Variants in DNAH6 observed in about 807,000 individuals in gnomAD.
DNAH6 encodes the protein axonemal beta dynein heavy chain 6.
A neutral mutation model predicts 491.4 loss-of-function variants in DNAH6; 340 were observed. The ratio of observed to expected loss-of-function variants is 0.69; its 90% CI spans 0.63 to 0.76. DNAH6 has a LOEUF of 0.76. Among genes scored for constraint, DNAH6 ranks in the 30% least tolerant of loss-of-function variants. The pLI is 0.00. For missense variants in DNAH6, 4,443 were observed against 4,972.2 expected, an observed-to-expected ratio of 0.89 and a Z score of 3.20; for synonymous variants, 1,603 against 1,686.1, an observed-to-expected ratio of 0.95 and a Z score of 1.21.
At chr2:84,661,268 C>T (rs1440345155) in intron 37 of DNAH6, among the ~76,000 whole-genome samples, 1 of 151,952 alleles carries the variant, frequency 6.6e-6, no homozygotes, top group Non-Finnish European at 1.5e-5. Context: ...GGTCACAACC[C>T]AGTTTTTAAA....
At chr2:84,610,518 T>G (rs1265549057) in intron 21 of DNAH6, among the ~76,000 whole-genome samples, 1 of 152,154 alleles carries the variant, frequency 6.6e-6, no homozygotes, top group Non-Finnish European at 1.5e-5. Context: ...CCTTGGAATC[T>G]TTCCTTGTGG....
chr2:84,496,550 C>A, the DNAH6 span, among the ~76,000 whole-genome samples: 1 of 152,068 alleles, frequency 6.6e-6, no homozygotes, highest in Non-Finnish European at 1.5e-5. Context: ...TGTGAATCAC[C>A]TATAAGAATT....
At chr2:84,657,545 T>C (rs776230268) in intron 35 of DNAH6, among the ~76,000 whole-genome samples, 1 of 152,046 alleles carries the variant, frequency 6.6e-6, no homozygotes, top group Non-Finnish European at 1.5e-5. Flanking sequence ...CTAGTACATA[T>C]TTATAGTTAA....
rs1374971970 is a variant in DNAH6, at chr2:84,529,185, T to C, written c.662+19T>C. On this transcript the variant is annotated intron_variant, in intron 4 of 76. Transcript: ENST00000389394. ...ATCTAAAGTGAGTTATTTTTTATGA[T>C]GCAATTTAACATAAAAATTACAAAT... 1.3e-6 allele frequency: 2 copies of C among 1,495,286 alleles called. No homozygotes were observed. Among genetic ancestry groups the C allele is most frequent in the African/African-American group, 2.8e-5 (2 of 71,316 alleles). 92.6% of individuals were successfully genotyped at this position (1,495,286 alleles called of 1,614,324 possible). A position where few individuals can be genotyped will look rare whatever the true frequency, so the allele number is the denominator to read the frequency against.
chr2:84,818,973 T>C lies in DNAH6; in HGVS notation c.12374-332T>C, dbSNP rs143934717. Among the ~76,000 whole-genome samples, 201 of 152,184 alleles carry C rather than the reference T, an allele frequency of 1.3e-3. No individual in the cohort carries two copies. The East Asian group carries it at 0.029, about 22-fold the overall frequency. ...CTATAGTCCCAGCTACTCAAGAGGCTGAGGTAGGAGAATCACTTGAACCCA... is the reference window on the plus strand; with the variant it reads ...CTATAGTCCCAGCTACTCAAGAGGCCGAGGTAGGAGAATCACTTGAACCCA... On this transcript the variant is annotated intron_variant, in intron 76 of 76. Coordinates refer to ENST00000389394, the MANE Select transcript of DNAH6 (RefSeq NM_001370.2).
the DNAH6 span, among the ~76,000 whole-genome samples, chr2:84,507,025 C>G: frequency 6.6e-6 from 1 of 152,180 alleles, no homozygotes. Context: ...TGTTCTTTGG[C>G]TTAGGGTTGA....
Position 84,697,591 on chromosome 2 carries a change from TC to T in DNAH6, c.7543del (p.Leu2515Ter). ...CTTCTACAGATTGTAGTGGAGGAGTTCCTAGAAGATATAAATAACATCCTGA... is the reference window on the plus strand; with the variant it reads ...CTTCTACAGATTGTAGTGGAGGAGTTCTAGAAGATATAAATAACATCCTGA... ...FTDTQIVVEE[F>X]LEDINNILNS... On this transcript the variant is annotated frameshift_variant, in exon 47 of 77. Coordinates refer to ENST00000389394, the MANE Select transcript of DNAH6 (RefSeq NM_001370.2). LOFTEE classifies it high-confidence loss of function. The T allele has an allele frequency of 6.4e-7, 1 of 1,551,898 alleles. No homozygotes were observed.
chr2:84,573,735 G>T, intron 12 of DNAH6, 148 bp downstream of exon 12: 6 of 613,582 alleles, frequency 9.8e-6, no homozygotes, highest in South Asian at 3.1e-5. Context: ...TTCATTTCTA[G>T]GTTATTTTCT....
At chr2:84,660,064 A>T (rs555999049) in intron 37 of DNAH6, among the ~76,000 whole-genome samples, 36 of 152,290 alleles carry the variant, frequency 2.4e-4, no homozygotes, top group African/African-American at 8.7e-4. Flanking sequence ...AAAGAACTAG[A>T]CACAAAGACA....
chr2:84,713,384 C>T, intron 57 of DNAH6, 125 bp downstream of exon 57: 1 of 870,842 alleles, frequency 1.1e-6, no homozygotes, highest in South Asian at 1.9e-5. Flanking sequence ...CTCCTATACA[C>T]TCCCCTTTCT....
intron 35 of DNAH6, among the ~76,000 whole-genome samples, chr2:84,657,456 G>T (rs1450519313): frequency 1.3e-5 from 2 of 151,960 alleles, no homozygotes; most frequent in Non-Finnish European, 2.9e-5. Context: ...TCCTATCCAT[G>T]AATGTGGTAT....
chr2:84,671,411 CCA>C lies in DNAH6; in HGVS notation c.6455-913_6455-912del, dbSNP rs1256996477. ...GCAGCTGGGGCCCCACTTGCTCAGTCCACAGTCTCTGGGGTGGTGCACCAGCC... is the reference window on the plus strand; with the variant it reads ...GCAGCTGGGGCCCCACTTGCTCAGTCCAGTCTCTGGGGTGGTGCACCAGCC... On this transcript the variant is annotated intron_variant, in intron 39 of 76. Coordinates refer to ENST00000389394, the MANE Select transcript of DNAH6 (RefSeq NM_001370.2). Among the ~76,000 whole-genome samples, 4 of 152,296 alleles carry C rather than the reference CCA, an allele frequency of 2.6e-5. No individual in the cohort carries two copies. The South Asian group carries it at 6.2e-4, about 24-fold the overall frequency.
intron 71 of DNAH6, 26 bp downstream of exon 71, chr2:84,805,820 A>G (rs1344446545): frequency 1.3e-6 from 2 of 1,537,136 alleles, no homozygotes; most frequent in Non-Finnish European, 8.8e-7. Context: ...AGGAATCTGT[A>G]TGTAATGGGA....
intron 4 of DNAH6, among the ~76,000 whole-genome samples, chr2:84,537,663 G>A (rs1453860493): frequency 6.6e-6 from 1 of 151,974 alleles, no homozygotes; most frequent in African/African-American, 2.4e-5. Flanking sequence ...CCCTGGTGAG[G>A]CAATTTTTAA....
Position 84,619,850 on chromosome 2 carries a change from A to G in DNAH6, c.3738A>G (p.Pro1246=). Residue 1246 remains proline (P), a synonymous_variant, in exon 24 of 77, where the codon CCA becomes CCG. Coordinates refer to ENST00000389394, the MANE Select transcript of DNAH6 (RefSeq NM_001370.2). ...AGATTCCTGGTATTGATGGAGAACC[A>G]GAAAAGGTTTATACTAATGATATTT... ...EGKIPGIDGE[P]EKVYTNDILA... 1 of 1,551,438 alleles carries G rather than the reference A, an allele frequency of 6.4e-7. No homozygotes were observed. Among genetic ancestry groups the G allele is most frequent in the Non-Finnish European group, 8.7e-7 (1 of 1,146,796 alleles).
intron 5 of DNAH6, among the ~76,000 whole-genome samples, chr2:84,546,587 A>C (rs933684048): frequency 6.6e-6 from 1 of 152,180 alleles, no homozygotes; most frequent in African/African-American, 2.4e-5. Flanking sequence ...GTTGTAGCAT[A>C]GCATTTTTAA....
chr2:84,688,660 T>C, intron 45 of DNAH6, 67 bp downstream of exon 45: 1 of 1,329,262 alleles, frequency 7.5e-7, no homozygotes, highest in Admixed American at 3.3e-5. Flanking sequence ...GGTAAAAAAA[T>C]AAGTTGTATA....
intron 9 of DNAH6, 136 bp from the exon 10 acceptor site, chr2:84,552,782 T>C (rs867702085): frequency 1.1e-5 from 5 of 469,066 alleles, no homozygotes; most frequent in African/African-American, 6.0e-5. Context: ...TATTATTCTC[T>C]GAAACACTTT....
intron 64 of DNAH6, among the ~76,000 whole-genome samples, chr2:84,780,314 A>G (rs1676557729): frequency 6.6e-6 from 1 of 152,154 alleles, no homozygotes; most frequent in African/African-American, 2.4e-5. Flanking sequence ...CATATTTCTC[A>G]TAGCCTTTGT....
Sources: allele counts gnomAD v4.1 joint callset (sites outside exome capture counted in the v4.1 genomes callset), GRCh38; gene constraint gnomAD v4.1.1; transcripts MANE v1.5; gene names NCBI Gene and HGNC (gene_info 2026-07-23, HGNC 2026-07-21).